The following SLC3A1 variants were observed in gnomAD, a reference collection of about 807,000 sequenced individuals.
The protein encoded by SLC3A1 is amino acid transporter heavy chain SLC3A1.
SLC3A1 carries 78 observed loss-of-function variants against 60.3 expected under a neutral mutation model. That is an observed-to-expected ratio of 1.29 (90% confidence interval 1.08 to 1.56). SLC3A1 has a LOEUF of 1.56. Ranked by LOEUF, SLC3A1 falls within the 40% of genes most tolerant of loss-of-function variation. The pLI is 0.00. For missense variants in SLC3A1, 1,172 were observed against 858.9 expected, an observed-to-expected ratio of 1.36 and a Z score of -4.56; for synonymous variants, 392 against 307.9, an observed-to-expected ratio of 1.27 and a Z score of -2.86.
intron 3 of SLC3A1, chr2:44,285,624 G>C: frequency 2.1e-6 from 1 of 473,944 alleles, no homozygotes; most frequent in Non-Finnish European, 4.4e-6. Flanking sequence ...CAGTCTATCT[G>C]GGCTCAAGCT....
At chr2:44,293,399 C>G (rs767504923) in intron 4 of SLC3A1, among the ~76,000 whole-genome samples, 28 of 152,210 alleles carry the variant, frequency 1.8e-4, no homozygotes, top group Non-Finnish European at 3.4e-4. Flanking sequence ...CACCTGTAAT[C>G]CCAACTACTT....
At chr2:44,278,040 T>C (rs1671389680) in intron 1 of SLC3A1, among the ~76,000 whole-genome samples, 1 of 152,144 alleles carries the variant, frequency 6.6e-6, no homozygotes, top group African/African-American at 2.4e-5. Context: ...CATCATAAGA[T>C]ATATTTTGTT....
intron 9 of SLC3A1, among the ~76,000 whole-genome samples, chr2:44,315,674 AAG>A (rs1491184184): frequency 6.6e-6 from 1 of 151,256 alleles, no homozygotes; most frequent in Non-Finnish European, 1.5e-5. Context: ...AAAAAAAAAA[AAG>A]CAGAGAATAG....
At chr2:44,317,938 T>G (rs1002748925) in intron 9 of SLC3A1, 1 of 249,082 alleles carries the variant, frequency 4.0e-6, no homozygotes, top group African/African-American at 2.4e-5. Flanking sequence ...CACAAAGAAT[T>G]AAAATGAAGA....
intron 9 of SLC3A1, 186 bp from the exon 10 acceptor site, chr2:44,320,011 ATT>A: frequency 1.7e-6 from 1 of 594,962 alleles, no homozygotes. Flanking sequence ...GAAACCCCGA[ATT>A]TGTCATTTCT....
intron 4 of SLC3A1, among the ~76,000 whole-genome samples, chr2:44,290,402 A>G (rs190271143): frequency 1.3e-5 from 2 of 152,248 alleles, no homozygotes; most frequent in Admixed American, 1.3e-4. Flanking sequence ...GTATTGTTTC[A>G]CTATTCCAAG....
intron 8 of SLC3A1, among the ~76,000 whole-genome samples, 181 bp from the exon 9 acceptor site, chr2:44,313,654 G>C (rs1672353466): frequency 6.6e-6 from 1 of 152,200 alleles, no homozygotes; most frequent in South Asian, 2.1e-4. Flanking sequence ...GTACTTTCTA[G>C]TTAAAAGGGT....
At chr2:44,301,968 T>C (rs988119626) in intron 6 of SLC3A1, among the ~76,000 whole-genome samples, 1 of 152,108 alleles carries the variant, frequency 6.6e-6, no homozygotes, top group Non-Finnish European at 1.5e-5. Context: ...GGCAGGAGAA[T>C]TGCTTGAACC....
At chr2:44,308,700 G>A (rs928294418) in intron 7 of SLC3A1, among the ~76,000 whole-genome samples, 6 of 151,090 alleles carry the variant, frequency 4.0e-5, no homozygotes, top group Non-Finnish European at 7.4e-5. Context: ...CTTGTTTTTC[G>A]TTTCTAATAG....
chr2:44,284,001 G>A (rs1558454749), intron 3 of SLC3A1, among the ~76,000 whole-genome samples: 3 of 152,020 alleles, frequency 2.0e-5, no homozygotes. Flanking sequence ...ATGGGAAGTT[G>A]GGCTACTTCC....
At chr2:44,302,603 A>T (rs1485230697) in intron 6 of SLC3A1, among the ~76,000 whole-genome samples, 1 of 152,254 alleles carries the variant, frequency 6.6e-6, no homozygotes, top group East Asian at 1.9e-4. Context: ...GCTGCCTCAA[A>T]TAGCTAAAGC....
intron 4 of SLC3A1, among the ~76,000 whole-genome samples, chr2:44,298,317 T>C (rs1553343390): frequency 6.6e-6 from 1 of 152,124 alleles, no homozygotes; most frequent in Non-Finnish European, 1.5e-5. Flanking sequence ...TTAGTTTTCT[T>C]TACCTCCTCC....
At chr2:44,316,581 A>G (rs1402815846) in intron 9 of SLC3A1, 1 of 152,204 alleles carries the variant, frequency 6.6e-6, no homozygotes, top group African/African-American at 2.4e-5. Context: ...TAAAATACAT[A>G]ACCCAGAGAT....
chr2:44,288,399 C>T lies in SLC3A1; in HGVS notation c.891+2242C>T, dbSNP rs111934021. Among the ~76,000 whole-genome samples, 749 of 152,096 alleles carry T rather than the reference C, an allele frequency of 4.9e-3. 1 individual carries two copies. Among genetic ancestry groups the T allele is most frequent in the Middle Eastern group, 0.034 (10 of 292 alleles). On this transcript the variant is annotated intron_variant, in intron 4 of 9. Transcript: ENST00000260649. ...AACAGTCACTCCTTATGGCCCCCTC[C>T]CTTTCTTCCCCCACCCCCTGGGAAA...
chr2:44,297,377 C>T (rs945012993), intron 4 of SLC3A1, among the ~76,000 whole-genome samples: 2 of 152,176 alleles, frequency 1.3e-5, no homozygotes, highest in African/African-American at 4.8e-5. Context: ...CCACCTGTCC[C>T]AGTACAGGCC....
rs1671323368 is a variant in SLC3A1 at position 44,275,661 on chromosome 2, C to T, written c.126C>T (p.Asp42=). The change falls in exon 1 of 10, where the codon GAC becomes GAT. Residue 42 remains aspartate (D), a synonymous_variant. Transcript: ENST00000260649. ...EQTPDPGSST[D]NLKHSTRGIL... ...CCCCGGATCCAGGAAGCTCAACAGA[C>T]AACCTGAAGCACAGCACCAGGGGCA... 2 of 1,614,094 alleles carry T rather than the reference C, an allele frequency of 1.2e-6. No homozygotes were observed. Among genetic ancestry groups the T allele is most frequent in the African/African-American group, 2.7e-5 (2 of 74,952 alleles).
chr2:44,311,723 TAA>T (rs11443762), intron 7 of SLC3A1, among the ~76,000 whole-genome samples: 1 of 147,052 alleles, frequency 6.8e-6, no homozygotes. Flanking sequence ...CTAAGGAAGT[TAA>T]AAAAAAAAAA....
At chr2:44,319,973 T>A in intron 9 of SLC3A1, 1 of 539,030 alleles carries the variant, frequency 1.9e-6, no homozygotes, top group South Asian at 2.1e-5. Flanking sequence ...CAGAGCACTG[T>A]GCGTACTTAT....
In SLC3A1 at chr2:44,278,950, T is replaced by C. The variant is rs189007622; in HGVS notation, c.431-1766T>C. ...TCTCAGACCCCGTGCACTGACAACA[T>C]TTATCACCTTTTTAAATTAATTGAT... is the stretch of plus-strand genomic sequence containing the variant. On this transcript the variant is annotated intron_variant, in intron 1 of 9. Coordinates refer to ENST00000260649, the MANE Select transcript of SLC3A1 (RefSeq NM_000341.4). 4.8e-3 allele frequency among the ~76,000 whole-genome samples: 735 copies of C among 152,192 alleles called. 9 individuals carry two copies. The highest frequency in any genetic ancestry group is 0.016 in the African/African-American group (659 of 41,522).
Sources: allele counts gnomAD v4.1 joint callset (sites outside exome capture counted in the v4.1 genomes callset), GRCh38; gene constraint gnomAD v4.1.1; transcripts MANE v1.5; gene names NCBI Gene and HGNC (gene_info 2026-07-23, HGNC 2026-07-21).